Variants in POU2F2 observed in about 807,000 individuals in gnomAD.
POU2F2 encodes the protein POU domain, class 2, transcription factor 2.
POU2F2 carries 14 observed loss-of-function variants against 63.5 expected under a neutral mutation model. The ratio of observed to expected loss-of-function variants is 0.22; its 90% CI spans 0.15 to 0.34. POU2F2 has a LOEUF of 0.34. Ranked by LOEUF, POU2F2 falls within the 10% of genes least tolerant of loss-of-function variation. The probability of loss-of-function intolerance (pLI) is 1.00; values close to 1 mark genes in which losing one functional copy is unlikely to be tolerated. For missense variants in POU2F2, 607 were observed against 815.2 expected (o/e 0.74, Z 3.11); for synonymous variants, 306 against 348.6 (o/e 0.88, Z 1.36).
chr19:42,138,257 T>C (rs143919239), intron 2 of POU2F2, among the ~76,000 whole-genome samples: 2 of 152,138 alleles, frequency 1.3e-5, no homozygotes, highest in African/African-American at 4.8e-5. Context: ...ATGTGGGGCA[T>C]GGGAGTCACG....
At position 42,095,807 on chromosome 19, in the gene POU2F2, C is replaced by T. The variant is rs563914378; in HGVS notation, c.852G>A (p.Glu284=). 1.7e-5 allele frequency: 28 copies of T among 1,614,058 alleles called. No homozygotes were observed. The South Asian group carries it at 3.1e-4, about 18-fold the overall frequency. The change falls in exon 9 of 15, where the codon GAG becomes GAA. Residue 284 remains glutamate, a synonymous_variant. Transcript: ENST00000692977. The surrounding 1 kb of genome is among the most constrained non-coding windows in gnomAD (Gnocchi z 7.1). ...KNMCKLKPLL[E]KWLNDAETMS... ...TCCCACCTGCATCGTTGAGCCACTT[C>T]TCCAGGAGGGGCTTGAGTTTGCACA...
rs760339792 is a variant in POU2F2, at chr19:42,132,392, C to T, written c.20G>A (p.Gly7Glu). 1 of 1,569,324 alleles carries T rather than the reference C, an allele frequency of 6.4e-7. No individual in the cohort carries two copies. The highest frequency in any genetic ancestry group is 8.6e-7 in the Non-Finnish European group (1 of 1,161,738). MVHSSM[G>E]APEIRMSKPL... ...GGCACCAGCCCCCTTACCTGGAGCC[C>T]CCATGCTGGAGTGAACCATGCTGCC... is the stretch of plus-strand genomic sequence containing the variant. Residue 7 changes from glycine to glutamate, a missense_variant, in exon 1 of 15, where the codon GGG becomes GAG. Gly to Glu is a moderately conservative substitution (Grantham distance 98, BLOSUM62 -2). Around this residue, in one of 7 missense-constraint regions of POU2F2, gnomAD observed 224 missense variants for 264.3 expected, o/e 0.85. Transcript: ENST00000692977.
At chr19:42,148,723 G>A (rs2034281211) in intron 2 of POU2F2, among the ~76,000 whole-genome samples, 1 of 151,916 alleles carries the variant, frequency 6.6e-6, no homozygotes, top group Admixed American at 6.6e-5. Context: ...CTCAGGACTT[G>A]CTCCTCCCCA....
At chr19:42,097,037 A>G (rs569085522) in intron 7 of POU2F2, among the ~76,000 whole-genome samples, 2 of 151,900 alleles carry the variant, frequency 1.3e-5, no homozygotes, top group South Asian at 2.1e-4. Context: ...GGGCAATTAG[A>G]GAGATTTACA....
chr19:42,151,586 A>G lies in POU2F2; in HGVS notation c.-9+8746T>C, dbSNP rs144973244. Among the ~76,000 whole-genome samples the G allele has an allele frequency of 1.7e-3, 256 of 152,146 alleles. 1 individual carries two copies. The highest frequency in any genetic ancestry group is 5.9e-3 in the African/African-American group (246 of 41,500). On this transcript the variant is annotated intron_variant, in intron 2 of 6. Coordinates refer to the POU2F2 transcript ENST00000524801. ...CAATCCCTACGGATCCCAGAGCCAT[A>G]CAGACCTTCCAGCTTGGGCAAGGTC... is the stretch of plus-strand genomic sequence containing the variant.
chr19:42,188,905 GAGGA>G (rs201081622), intron 1 of POU2F2, among the ~76,000 whole-genome samples: 1,550 of 86,218 alleles, frequency 0.018, 21 homozygotes, highest in South Asian at 0.028. Context: ...GAAGAGAAGA[GAGGA>G]AGGAAGGAAG....
At chr19:42,187,113 G>A (rs1000844865) in intron 1 of POU2F2, among the ~76,000 whole-genome samples, 1 of 152,018 alleles carries the variant, frequency 6.6e-6, no homozygotes, top group African/African-American at 2.4e-5. Flanking sequence ...AGAAGAATAC[G>A]CCGAATGTGA....
upstream of POU2F2, among the ~76,000 whole-genome samples, chr19:42,196,748 C>T (rs754278475): frequency 2.0e-5 from 3 of 152,266 alleles, no homozygotes; most frequent in Non-Finnish European, 2.9e-5. Flanking sequence ...GGGAGCTCCA[C>T]GGCGCATGCG....
At position 42,163,834 on chromosome 19, in the gene POU2F2, A is replaced by T. The variant is rs914136891; in HGVS notation, c.-69-3442T>A. Among the ~76,000 whole-genome samples the T allele has an allele frequency of 1.1e-4, 16 of 152,342 alleles. No individual in the cohort carries two copies. In the South Asian group the frequency reaches 2.7e-3, roughly 26 times the overall value. On this transcript the variant is annotated intron_variant, in intron 1 of 6. Transcript: ENST00000524801. ...GGGGACTGGTACAATAAATGATAGTATAGTGGCCATACAAAGAAGGACTGT... is the reference window on the plus strand; with the variant it reads ...GGGGACTGGTACAATAAATGATAGTTTAGTGGCCATACAAAGAAGGACTGT...
intron 5 of POU2F2, among the ~76,000 whole-genome samples, chr19:42,116,304 G>A (rs954899286): frequency 3.3e-5 from 5 of 152,138 alleles, no homozygotes; most frequent in Non-Finnish European, 1.5e-5. Context: ...CAGGGGACAC[G>A]ATGAGGGTAG....
Position 42,086,629 on chromosome 19 carries a change from C to T in POU2F2, c.*4628G>A, listed in dbSNP as rs1209573138. ...GCCAGAAAGGAGTTGAAAGTTCAGGCCCCTGCTCTTCCCAAAGACTCCTCG... is the reference window on the plus strand; with the variant it reads ...GCCAGAAAGGAGTTGAAAGTTCAGGTCCCTGCTCTTCCCAAAGACTCCTCG... On this transcript the variant is annotated 3_prime_UTR_variant, in exon 15 of 15. Coordinates refer to ENST00000692977, the MANE Select transcript of POU2F2 (RefSeq NM_001394376.1). 1 of 152,220 alleles carries T rather than the reference C, an allele frequency of 6.6e-6. No individual in the cohort carries two copies. Among genetic ancestry groups the T allele is most frequent in the Non-Finnish European group, 1.5e-5 (1 of 68,066 alleles). The allele number at this position is 152,220 out of a possible 1,614,324, so 9.4% of individuals were successfully genotyped here. A position where few individuals can be genotyped will look rare whatever the true frequency, so the allele number is the denominator to read the frequency against.
At chr19:42,131,628 C>T (rs2033739045) in intron 1 of POU2F2, among the ~76,000 whole-genome samples, 1 of 152,202 alleles carries the variant, frequency 6.6e-6, no homozygotes, top group African/African-American at 2.4e-5. Flanking sequence ...GTGCCTGGTG[C>T]ACAATGTTCA....
In POU2F2 at chr19:42,172,540, A is replaced by G. The variant is rs555390920; in HGVS notation, c.-70+3423T>C. Reference sequence around the variant, plus strand: ...GGAAAGCTGCCTGTCCCGAGGATCTAATGAAGTTGGGGTGGTGATCGAGTG... The same window carrying G: ...GGAAAGCTGCCTGTCCCGAGGATCTGATGAAGTTGGGGTGGTGATCGAGTG... On this transcript the variant is annotated intron_variant, in intron 1 of 6. Coordinates refer to the POU2F2 transcript ENST00000524801. Among the ~76,000 whole-genome samples the G allele has an allele frequency of 4.6e-5, 7 of 152,284 alleles. No individual in the cohort carries two copies. In the South Asian group the frequency reaches 8.3e-4, roughly 18 times the overall value.
At chr19:42,192,581 G>C (rs888575561) in intron 1 of POU2F2, among the ~76,000 whole-genome samples, 6 of 152,112 alleles carry the variant, frequency 3.9e-5, no homozygotes, top group Non-Finnish European at 5.9e-5. Context: ...CTTATTTTAA[G>C]TAACCTAATG....
intron 1 of POU2F2, among the ~76,000 whole-genome samples, chr19:42,164,991 C>T (rs900743979): frequency 6.6e-6 from 1 of 151,888 alleles, no homozygotes; most frequent in Non-Finnish European, 1.5e-5. Context: ...AAGGTAATGT[C>T]CTTTTTGTTG....
intron 2 of POU2F2, among the ~76,000 whole-genome samples, chr19:42,144,851 C>A (rs775400606): frequency 3.9e-5 from 6 of 152,232 alleles, no homozygotes; most frequent in Non-Finnish European, 5.9e-5. Flanking sequence ...GCTCTCCTTG[C>A]CCCAGGCCTT....
intron 2 of POU2F2, among the ~76,000 whole-genome samples, chr19:42,142,349 C>T (rs1469078764): frequency 6.6e-6 from 1 of 152,088 alleles, no homozygotes; most frequent in Non-Finnish European, 1.5e-5. Context: ...TGCCACCACA[C>T]CAGGCTAATT....
At chr19:42,123,513 G>A (rs987581632) in intron 1 of POU2F2, among the ~76,000 whole-genome samples, 1 of 152,160 alleles carries the variant, frequency 6.6e-6, no homozygotes, top group African/African-American at 2.4e-5. Flanking sequence ...CACATTAGCG[G>A]TTAGTGCTAA....
At chr19:42,159,689 G>A (rs2034519432) in intron 2 of POU2F2, among the ~76,000 whole-genome samples, 2 of 152,200 alleles carry the variant, frequency 1.3e-5, no homozygotes, top group Admixed American at 6.5e-5. Flanking sequence ...GGGCTTCAGG[G>A]AGGGGCTTCA....
Sources: gnomAD v4.1 joint callset for allele counts (sites outside exome capture counted in the v4.1 genomes callset) on GRCh38, gnomAD v4.1.1 for gene constraint, gnomAD v4.1.1 regional missense constraint, Gnocchi (gnomAD v3.1) non-coding constraint, MANE v1.5 for transcripts, NCBI Gene and HGNC (gene_info 2026-07-23, HGNC 2026-07-21) for gene names.